XCR1: variants seen among roughly 807,000 people sequenced by gnomAD.
XCR1 encodes the protein X-C motif chemokine receptor 1, also known as chemokine XC receptor 1.
For missense variants in XCR1, 356 were observed against 424.2 expected (o/e 0.84, Z 1.41); for synonymous variants, 187 against 188.5 (o/e 0.99, Z 0.06).
At chr3:46,073,096 C>A (rs574516892) in intron 3 of XCR1, among the ~76,000 whole-genome samples, 5 of 152,228 alleles carry the variant, frequency 3.3e-5, no homozygotes, top group African/African-American at 1.2e-4. Context: ...GGAACCATAT[C>A]TCTCACCACA....
chr3:46,054,620 C>T (rs1355281170), intron 4 of XCR1, among the ~76,000 whole-genome samples: 2 of 151,936 alleles, frequency 1.3e-5, no homozygotes, highest in African/African-American at 4.8e-5. Flanking sequence ...CTGCTGGCTG[C>T]ACAGAAAATC....
intron 4 of XCR1, among the ~76,000 whole-genome samples, chr3:46,055,547 C>T (rs928372490): frequency 1.3e-5 from 2 of 152,212 alleles, no homozygotes; most frequent in African/African-American, 4.8e-5. Flanking sequence ...CCCTTAAAAA[C>T]CCTAGCCACA....
chr3:46,043,502 T>G (rs1697571082), intron 5 of XCR1, among the ~76,000 whole-genome samples: 1 of 151,444 alleles, frequency 6.6e-6, no homozygotes, highest in Non-Finnish European at 1.5e-5. Flanking sequence ...CATGATAAAG[T>G]CCATATATGA....
intron 5 of XCR1, among the ~76,000 whole-genome samples, chr3:46,045,168 C>A (rs1038740969): frequency 6.6e-6 from 1 of 152,216 alleles, no homozygotes; most frequent in Non-Finnish European, 1.5e-5. Context: ...CACCTGTAAT[C>A]CCAGCACTTT....
At chr3:46,051,836 C>A (rs1309586272) in intron 5 of XCR1, among the ~76,000 whole-genome samples, 1 of 152,116 alleles carries the variant, frequency 6.6e-6, no homozygotes, top group Non-Finnish European at 1.5e-5. Flanking sequence ...ACCATCCTGG[C>A]TAATACGGTG....
intron 4 of XCR1, among the ~76,000 whole-genome samples, chr3:46,058,127 G>C (rs931755079): frequency 1.3e-5 from 2 of 152,116 alleles, no homozygotes; most frequent in Non-Finnish European, 2.9e-5. Context: ...TTTCTGAATT[G>C]CCTCTCTCGT....
intron 4 of XCR1, among the ~76,000 whole-genome samples, chr3:46,066,645 C>T (rs1338040924): frequency 6.6e-6 from 1 of 152,168 alleles, no homozygotes; most frequent in Non-Finnish European, 1.5e-5. Context: ...GAAACAGAAG[C>T]TCTTTGGATG....
chr3:46,032,137 A>C (rs548510154), upstream of XCR1, among the ~76,000 whole-genome samples: 19 of 152,370 alleles, frequency 1.2e-4, no homozygotes, highest in South Asian at 3.9e-3. Flanking sequence ...TGACGCTAAA[A>C]GAACTGTAAC....
At chr3:46,072,797 G>A (rs901601467) in intron 3 of XCR1, among the ~76,000 whole-genome samples, 95 of 152,228 alleles carry the variant, frequency 6.2e-4, no homozygotes, top group African/African-American at 2.2e-3. Context: ...AACCAAAAAA[G>A]AGCCTGAATA....
intron 5 of XCR1, among the ~76,000 whole-genome samples, chr3:46,040,039 A>G (rs1328193744): frequency 6.6e-6 from 1 of 152,246 alleles, no homozygotes; most frequent in Non-Finnish European, 1.5e-5. Context: ...ATAATACCCC[A>G]TACAAAGGTA....
intron 3 of XCR1, among the ~76,000 whole-genome samples, chr3:46,068,777 T>C (rs1698117971): frequency 1.0e-5 from 1 of 96,162 alleles, no homozygotes; most frequent in Non-Finnish European, 2.0e-5. Context: ...GTCAACATCA[T>C]GGACGTGTGT....
chr3:46,051,801 C>T (rs554597021), intron 5 of XCR1, among the ~76,000 whole-genome samples: 3 of 152,188 alleles, frequency 2.0e-5, no homozygotes, highest in South Asian at 2.1e-4. Flanking sequence ...CTGAGGCAGG[C>T]GGATCACGAG....
At chr3:46,069,484 G>A (rs1388838836) in intron 3 of XCR1, among the ~76,000 whole-genome samples, 1 of 152,132 alleles carries the variant, frequency 6.6e-6, no homozygotes, top group African/African-American at 2.4e-5. Context: ...GGGGGGGTTA[G>A]ACATGGTAAC....
At chr3:46,048,705 G>A (rs374785884) in intron 5 of XCR1, among the ~76,000 whole-genome samples, 37 of 152,254 alleles carry the variant, frequency 2.4e-4, no homozygotes, top group African/African-American at 8.2e-4. Flanking sequence ...AGGGATTTCC[G>A]TAACATTTTT....
chr3:46,036,346 A>C (rs1697430835), intron 5 of XCR1, among the ~76,000 whole-genome samples: 1 of 152,210 alleles, frequency 6.6e-6, no homozygotes, highest in South Asian at 2.1e-4. Context: ...TTCACACCCT[A>C]TGTTGGATTA....
At chr3:46,035,809 C>T (rs1056812266) in intron 5 of XCR1, among the ~76,000 whole-genome samples, 2 of 152,156 alleles carry the variant, frequency 1.3e-5, no homozygotes, top group African/African-American at 4.8e-5. Context: ...CACCCTGTTT[C>T]ACTACGGACA....
At chr3:46,049,294 G>A (rs1016408115) in intron 5 of XCR1, among the ~76,000 whole-genome samples, 35 of 152,316 alleles carry the variant, frequency 2.3e-4, no homozygotes, top group Middle Eastern at 3.4e-3. Flanking sequence ...ATATGCCTGT[G>A]AGATAAATGG....
chr3:46,036,534 A>C (rs1471439114), intron 5 of XCR1, among the ~76,000 whole-genome samples: 15 of 152,264 alleles, frequency 9.9e-5, no homozygotes, highest in Non-Finnish European at 1.8e-4. Context: ...TTTCAAGTTC[A>C]CATGACTTAA....
chr3:46,020,024 G>A lies in XCR1; in HGVS notation c.*922C>T, dbSNP rs1708109806. The A allele has an allele frequency of 6.6e-6, 1 of 152,280 alleles. No homozygotes were observed. 9.4% of individuals were successfully genotyped at this position (152,280 alleles called of 1,614,324 possible). The stretch of plus-strand genomic sequence containing the variant: ...TGAGGTTTGGAGTGTGGGTGGGTGG[G>A]GGGAGCTACCACCATCAACCAAATA... On this transcript the variant is annotated 3_prime_UTR_variant, in exon 2 of 2. Transcript: ENST00000309285.
Sources: allele counts gnomAD v4.1 joint callset (sites outside exome capture counted in the v4.1 genomes callset), GRCh38; gene constraint gnomAD v4.1.1; transcripts MANE v1.5; gene names NCBI Gene and HGNC (gene_info 2026-07-23, HGNC 2026-07-21).